HDAC4: variants seen among roughly 807,000 people sequenced by gnomAD.
HDAC4 encodes histone deacetylase A.
In HDAC4, 16 loss-of-function variants were observed where a neutral mutation model predicts 135.1. The observed-to-expected ratio is 0.12, with a 90% confidence interval of 0.08 to 0.18. The LOEUF is 0.18. HDAC4 is among the 10% of genes least tolerant of loss of function. The pLI is 1.00. For missense variants in HDAC4, 1,143 were observed against 1,511.8 expected, an observed-to-expected ratio of 0.76 and a Z score of 4.05; for synonymous variants, 685 against 653.4, an observed-to-expected ratio of 1.05 and a Z score of -0.74.
chr2:239,152,089 A>T (rs2042152557), intron 7 of HDAC4, among the ~76,000 whole-genome samples: 1 of 152,250 alleles, frequency 6.6e-6, no homozygotes, highest in Non-Finnish European at 1.5e-5. Context: ...ATCTTTAAGA[A>T]GATCACGATG....
intron 19 of HDAC4, 43 bp from the exon 20 acceptor site, chr2:239,084,285 G>A (rs776131343): frequency 7.6e-6 from 11 of 1,445,226 alleles, no homozygotes; most frequent in Middle Eastern, 1.7e-4. Flanking sequence ...GCAGGTGGGC[G>A]GTGGCCAGTT....
chr2:239,096,901 C>T (rs1379206139), intron 16 of HDAC4, among the ~76,000 whole-genome samples: 1 of 152,170 alleles, frequency 6.6e-6, no homozygotes, highest in African/African-American at 2.4e-5. Flanking sequence ...TGGCCACGTC[C>T]ACGGCCCGGG....
intron 2 of HDAC4, among the ~76,000 whole-genome samples, chr2:239,332,353 A>T (rs1371389081): frequency 6.6e-6 from 1 of 152,258 alleles, no homozygotes; most frequent in Non-Finnish European, 1.5e-5. Flanking sequence ...ATAAAGCAAA[A>T]TTCAAAGAAT....
chr2:239,090,079 G>A lies in HDAC4; in HGVS notation c.2318C>T (p.Ala773Val), dbSNP rs954952041. 16 of 1,613,666 alleles carry A rather than the reference G, an allele frequency of 9.9e-6. No homozygotes were observed. The highest frequency in any genetic ancestry group is 1.4e-5 in the Non-Finnish European group (16 of 1,179,962). Residue 773 changes from alanine to valine, a missense_variant, in exon 18 of 27, where the codon GCG (alanine) becomes GTG (valine). By Grantham distance (64) the Ala-to-Val change is moderately conservative (BLOSUM62 0). Around this residue, in one of 9 missense-constraint regions of HDAC4, gnomAD observed 49 missense variants for 55.6 expected, o/e 0.88. Coordinates refer to ENST00000543185, the MANE Select transcript of HDAC4 (RefSeq NM_001378414.1). ...GCCCACAGCCAGGCGGGCTGCCCCC[G>A]CCGAGTGCACCTCGTTCCATATGGT... ...SDTIWNEVHS[A>V]GAARLAVGCV... is the part of the protein sequence containing the mutation.
At chr2:239,053,678 G>A (rs904760938) in intron 25 of HDAC4, 77 bp from the exon 26 acceptor site, 29 of 1,293,094 alleles carry the variant, frequency 2.2e-5, no homozygotes, top group South Asian at 3.7e-5. Context: ...AAGGTCCTGC[G>A]GGACCCTGAG....
intron 1 of HDAC4, among the ~76,000 whole-genome samples, chr2:239,373,788 T>C (rs573936484): frequency 3.3e-5 from 5 of 152,346 alleles, no homozygotes; most frequent in East Asian, 1.9e-4. Context: ...AATATCTTTA[T>C]CCACTCAAAA....
rs574267557 is a variant in HDAC4, at chr2:239,249,837, T to C, written c.23-13173A>G. Among the ~76,000 whole-genome samples the C allele has an allele frequency of 3.3e-5, 5 of 150,836 alleles. No homozygotes were observed. The East Asian group carries it at 9.7e-4, about 29-fold the overall frequency. On this transcript the variant is annotated intron_variant, in intron 2 of 26. Coordinates refer to ENST00000543185, the MANE Select transcript of HDAC4 (RefSeq NM_001378414.1). ...ACACACACTGCACTCAAAACTCTTG[T>C]GTCAGGAAAGAATGTGCACAAAATA...
At position 239,349,336 on chromosome 2, in the gene HDAC4, G is replaced by C. The variant is rs1692957150; in HGVS notation, c.22+3342C>G. Among the ~76,000 whole-genome samples, 1 of 152,226 alleles carries C rather than the reference G, an allele frequency of 6.6e-6. No individual in the cohort carries two copies. Among genetic ancestry groups the C allele is most frequent in the African/African-American group, 2.4e-5 (1 of 41,456 alleles). ...AAGGAAAAGGGACAGCGGTTCCGTG[G>C]CTGTGCTCTGACACACCTAGAAATT... On this transcript the variant is annotated intron_variant, in intron 2 of 26. Coordinates refer to ENST00000543185, the MANE Select transcript of HDAC4 (RefSeq NM_001378414.1). The surrounding 1 kb of genome is among the most constrained non-coding windows in gnomAD (Gnocchi z 5.7).
chr2:239,112,145 C>T (rs923880437), intron 13 of HDAC4, among the ~76,000 whole-genome samples: 4 of 152,166 alleles, frequency 2.6e-5, no homozygotes, highest in African/African-American at 9.7e-5. Flanking sequence ...GAGAGAAGCT[C>T]TTGCTGGGGC....
intron 2 of HDAC4, among the ~76,000 whole-genome samples, chr2:239,301,187 G>A (rs552498469): frequency 4.6e-5 from 7 of 152,318 alleles, no homozygotes; most frequent in Middle Eastern, 3.4e-3. Flanking sequence ...CTCAGCGGCA[G>A]AAGGCCCCTT....
intron 25 of HDAC4, among the ~76,000 whole-genome samples, chr2:239,054,443 G>A (rs1216758940): frequency 2.6e-5 from 4 of 152,086 alleles, no homozygotes; most frequent in South Asian, 2.1e-4. Flanking sequence ...CATGGCCCCC[G>A]CTGCTAGCTG....
intron 2 of HDAC4, among the ~76,000 whole-genome samples, chr2:239,329,845 G>A (rs978472332): frequency 3.9e-5 from 6 of 152,048 alleles, no homozygotes; most frequent in Non-Finnish European, 8.8e-5. Context: ...ATAAGGTGAA[G>A]TCTCTTAGGA....
chr2:239,338,124 GCA>G (rs1030094445), intron 2 of HDAC4, among the ~76,000 whole-genome samples: 18 of 152,152 alleles, frequency 1.2e-4, no homozygotes, highest in Admixed American at 1.1e-3. Context: ...CTCCAGACAA[GCA>G]CAGAGAGACA....
intron 3 of HDAC4, among the ~76,000 whole-genome samples, chr2:239,210,866 C>T (rs1002483895): frequency 2.6e-5 from 4 of 152,172 alleles, no homozygotes; most frequent in African/African-American, 4.8e-5. Context: ...CCAGCTCCTG[C>T]GGCACCTTCC....
At chr2:239,149,386 A>AAAT (rs2041966660) in intron 7 of HDAC4, among the ~76,000 whole-genome samples, 1 of 151,564 alleles carries the variant, frequency 6.6e-6, no homozygotes, top group Non-Finnish European at 1.5e-5. Context: ...ATAAATAAAT[A>AAAT]AATAAATAAA....
At chr2:239,173,592 A>C (rs2043585738) in intron 5 of HDAC4, among the ~76,000 whole-genome samples, 1 of 152,226 alleles carries the variant, frequency 6.6e-6, no homozygotes, top group Admixed American at 6.5e-5. Context: ...ACCTAACAGT[A>C]AACTGGGAAC....
chr2:239,128,968 G>A (rs1398617501), intron 11 of HDAC4, among the ~76,000 whole-genome samples: 3 of 152,188 alleles, frequency 2.0e-5, no homozygotes, highest in East Asian at 1.9e-4. Flanking sequence ...GCCATCCTCC[G>A]CATGGGCCCA....
chr2:239,153,693 G>A (rs961340672), intron 7 of HDAC4, among the ~76,000 whole-genome samples: 2 of 152,176 alleles, frequency 1.3e-5, no homozygotes, highest in East Asian at 1.9e-4. Flanking sequence ...AACATTTCCC[G>A]GAGTGTGAAA....
At chr2:239,291,553 A>T (rs1209716700) in intron 2 of HDAC4, among the ~76,000 whole-genome samples, 1 of 152,228 alleles carries the variant, frequency 6.6e-6, no homozygotes, top group African/African-American at 2.4e-5. Context: ...TTTGGTTTTC[A>T]TGGGTGTCAA....
Sources: allele counts gnomAD v4.1 joint callset (sites outside exome capture counted in the v4.1 genomes callset), GRCh38; gene constraint gnomAD v4.1.1; regional missense constraint gnomAD v4.1.1; non-coding constraint Gnocchi (gnomAD v3.1); transcripts MANE v1.5; gene names NCBI Gene and HGNC (gene_info 2026-07-23, HGNC 2026-07-21).